FRMD5: variants seen among roughly 807,000 people sequenced by gnomAD.
The protein encoded by FRMD5 is FERM domain-containing protein 5.
FRMD5 carries 20 observed loss-of-function variants against 69.0 expected under a neutral mutation model. The ratio of observed to expected loss-of-function variants is 0.29; its 90% CI spans 0.20 to 0.42. The LOEUF is 0.42. Among genes scored for constraint, FRMD5 ranks in the 10% least tolerant of loss-of-function variants. The probability of loss-of-function intolerance (pLI) is 1.00; values close to 1 mark genes in which losing one functional copy is unlikely to be tolerated. For synonymous variants in FRMD5, 271 were observed against 260.1 expected (o/e 1.04, Z -0.40); for missense variants, 595 against 708.6 (o/e 0.84, Z 1.82).
chr15:43,995,175 A>G (rs1889862704), intron 1 of FRMD5, among the ~76,000 whole-genome samples: 1 of 152,232 alleles, frequency 6.6e-6, no homozygotes. Flanking sequence ...CCTCCCACAC[A>G]TTTTAAATAT....
chr15:43,916,015 G>T (rs188963930), intron 4 of FRMD5, among the ~76,000 whole-genome samples: 2 of 151,232 alleles, frequency 1.3e-5, no homozygotes, highest in African/African-American at 2.5e-5. Context: ...GCCCCAGGGA[G>T]GGGGAGGCAC....
At chr15:44,027,343 A>G (rs913751080) in intron 1 of FRMD5, among the ~76,000 whole-genome samples, 1 of 152,212 alleles carries the variant, frequency 6.6e-6, no homozygotes, top group Non-Finnish European at 1.5e-5. Flanking sequence ...AAACCCAAAA[A>G]AACTAGAGGT....
intron 1 of FRMD5, among the ~76,000 whole-genome samples, chr15:44,132,791 C>G (rs2077121843): frequency 6.7e-6 from 1 of 150,088 alleles, no homozygotes; most frequent in African/African-American, 2.5e-5. Flanking sequence ...AGAGTCTCGC[C>G]CTGTTGCCCA....
intron 1 of FRMD5, among the ~76,000 whole-genome samples, chr15:44,019,793 GA>G (rs951448361): frequency 3.3e-5 from 3 of 92,260 alleles, no homozygotes; most frequent in Admixed American, 9.8e-5. Context: ...AAGAAAGAAA[GA>G]AAAAAAAGAA....
chr15:44,060,743 C>A (rs1290033536), intron 1 of FRMD5, among the ~76,000 whole-genome samples: 4 of 152,064 alleles, frequency 2.6e-5, no homozygotes, highest in African/African-American at 9.7e-5. Flanking sequence ...TGAGAAGCCA[C>A]TTAATTACAT....
chr15:44,128,828 A>G (rs573482331), intron 1 of FRMD5, among the ~76,000 whole-genome samples: 1 of 152,252 alleles, frequency 6.6e-6, no homozygotes, highest in Admixed American at 6.5e-5. Context: ...GGGAAATTAA[A>G]GGAGCTAAAA....
Position 43,871,623 on chromosome 15 carries a change from T to C in FRMD5, c.*2262A>G, listed in dbSNP as rs892712480. On this transcript the variant is annotated 3_prime_UTR_variant, in exon 14 of 14. Coordinates refer to ENST00000417257, the MANE Select transcript of FRMD5 (RefSeq NM_032892.5). ...GTAGATGACAAGTGGCAGTGGCTAG[T>C]TGATTTTAACTGACCCCTAATCTCT... The C allele has an allele frequency of 3.3e-5, 5 of 152,248 alleles. No individual in the cohort carries two copies. Among genetic ancestry groups the C allele is most frequent in the Non-Finnish European group, 5.9e-5 (4 of 68,036 alleles). The allele number at this position is 152,248 out of a possible 1,614,324, so 9.4% of individuals were successfully genotyped here.
At chr15:43,893,378 GCT>G (rs1403005713) in intron 7 of FRMD5, among the ~76,000 whole-genome samples, 1 of 152,174 alleles carries the variant, frequency 6.6e-6, no homozygotes, top group Non-Finnish European at 1.5e-5. Context: ...CAGGCTTGAG[GCT>G]CTGTTGAACA....
At chr15:44,190,220 C>G (rs548918141) in intron 1 of FRMD5, among the ~76,000 whole-genome samples, 2 of 152,168 alleles carry the variant, frequency 1.3e-5, no homozygotes, top group Non-Finnish European at 2.9e-5. Flanking sequence ...ATGAGGCTAT[C>G]AAAGGTGAAT....
At chr15:44,116,650 A>G (rs1056444055) in intron 1 of FRMD5, among the ~76,000 whole-genome samples, 1 of 152,214 alleles carries the variant, frequency 6.6e-6, no homozygotes, top group Non-Finnish European at 1.5e-5. Context: ...AAGGGTCAGC[A>G]CTATCTCCTT....
intron 1 of FRMD5, among the ~76,000 whole-genome samples, chr15:44,068,475 G>GA (rs1396519332): frequency 6.6e-6 from 1 of 152,074 alleles, no homozygotes; most frequent in Admixed American, 6.5e-5. Flanking sequence ...TATGCTAAAT[G>GA]AAAAAAGCCA....
intron 1 of FRMD5, among the ~76,000 whole-genome samples, chr15:44,080,724 G>A (rs551794713): frequency 6.5e-4 from 99 of 152,204 alleles, no homozygotes; most frequent in Admixed American, 1.4e-3. Flanking sequence ...GTTCCATGCA[G>A]CATTAGCACA....
chr15:43,926,785 G>T (rs191380302), intron 1 of FRMD5, among the ~76,000 whole-genome samples: 23 of 151,086 alleles, frequency 1.5e-4, no homozygotes, highest in African/African-American at 5.6e-4. Context: ...ATGACTAGAG[G>T]CTATGGGCTG....
chr15:44,009,994 C>G (rs1264098906), intron 1 of FRMD5, among the ~76,000 whole-genome samples: 1 of 152,222 alleles, frequency 6.6e-6, no homozygotes. Flanking sequence ...AGAGGCTACT[C>G]TTCCCTAACA....
chr15:43,870,905 TAAC>T lies in FRMD5; in HGVS notation c.*2977_*2979del, dbSNP rs1194527909. 6.6e-6 allele frequency: 1 copy of T among 152,206 alleles called. No homozygotes were observed. Among genetic ancestry groups the T allele is most frequent in the African/African-American group, 2.4e-5 (1 of 41,458 alleles). The allele number at this position is 152,206 out of a possible 1,614,324, so 9.4% of individuals were successfully genotyped here. On this transcript the variant is annotated 3_prime_UTR_variant, in exon 14 of 14. Coordinates refer to ENST00000417257, the MANE Select transcript of FRMD5 (RefSeq NM_032892.5). The stretch of plus-strand genomic sequence containing the variant: ...TAAGAGTTTTTGGCACACAGAAGGT[TAAC>T]AACTATATATTTTTAAATGTATCTA...
intron 1 of FRMD5, among the ~76,000 whole-genome samples, chr15:44,067,988 A>T (rs1226022464): frequency 6.6e-6 from 1 of 152,250 alleles, no homozygotes. Context: ...GATGCTCAAC[A>T]TCATTTATCA....
At chr15:43,942,849 T>A (rs1211787750) in intron 1 of FRMD5, among the ~76,000 whole-genome samples, 1 of 152,198 alleles carries the variant, frequency 6.6e-6, no homozygotes, top group East Asian at 1.9e-4. Flanking sequence ...AATCTCCACC[T>A]CCCGGGCTCA....
At chr15:44,027,939 C>G (rs1389192596) in intron 1 of FRMD5, among the ~76,000 whole-genome samples, 1 of 151,890 alleles carries the variant, frequency 6.6e-6, no homozygotes, top group African/African-American at 2.4e-5. Context: ...CCACCGCGCC[C>G]GGCCCTGTGC....
At chr15:44,166,533 C>T (rs575741744) in intron 1 of FRMD5, among the ~76,000 whole-genome samples, 16 of 152,092 alleles carry the variant, frequency 1.1e-4, no homozygotes, top group Non-Finnish European at 1.5e-4. Context: ...GCCTGTAACC[C>T]TAGCAATTTG....
Sources: gnomAD v4.1 joint callset for allele counts (sites outside exome capture counted in the v4.1 genomes callset) on GRCh38, gnomAD v4.1.1 for gene constraint, MANE v1.5 for transcripts, NCBI Gene and HGNC (gene_info 2026-07-23, HGNC 2026-07-21) for gene names.